Variants in RUNX1 observed in about 807,000 individuals in gnomAD.
The protein encoded by RUNX1 is runt-related transcription factor 1.
RUNX1 carries 19 observed loss-of-function variants against 42.8 expected under a neutral mutation model. That is an observed-to-expected ratio of 0.44 (90% CI 0.31 to 0.65). RUNX1 has a LOEUF of 0.65. Among genes scored for constraint, RUNX1 ranks in the 30% least tolerant of loss-of-function variants. The probability of loss-of-function intolerance (pLI) is 0.07; values close to 1 mark genes in which losing one functional copy is unlikely to be tolerated. For synonymous variants in RUNX1, 271 were observed against 289.4 expected (o/e 0.94, Z 0.64); for missense variants, 528 against 672.0 (o/e 0.79, Z 2.37).
chr21:34,900,124 T>G (rs527355073), intron 2 of RUNX1, among the ~76,000 whole-genome samples: 1 of 152,386 alleles, frequency 6.6e-6, no homozygotes, highest in Non-Finnish European at 1.5e-5. Flanking sequence ...AATTTTAATA[T>G]GTTTTATTTA....
At chr21:34,833,998 C>T in intron 7 of RUNX1, 1 of 354,062 alleles carries the variant, frequency 2.8e-6, no homozygotes, top group East Asian at 6.5e-5. Context: ...CTTGAAACAT[C>T]CCATCTTCAC....
intron 2 of RUNX1, among the ~76,000 whole-genome samples, chr21:34,998,327 G>A (rs1038255478): frequency 6.6e-6 from 1 of 151,958 alleles, no homozygotes; most frequent in African/African-American, 2.4e-5. Context: ...CTTCCTCAGA[G>A]GGACCACACA....
chr21:35,017,310 T>C (rs1601677310), intron 2 of RUNX1, among the ~76,000 whole-genome samples: 1 of 152,196 alleles, frequency 6.6e-6, no homozygotes, highest in Non-Finnish European at 1.5e-5. Context: ...TCACAACCTA[T>C]GTGGCTTGTC....
intron 2 of RUNX1, among the ~76,000 whole-genome samples, chr21:34,894,930 T>TAC (rs1487852970): frequency 1.2e-5 from 1 of 84,774 alleles, no homozygotes; most frequent in Non-Finnish European, 2.2e-5. Context: ...CACACACACA[T>TAC]ATTCATATCT....
chr21:34,880,231 A>G (rs1300806553), intron 5 of RUNX1, among the ~76,000 whole-genome samples: 1 of 152,238 alleles, frequency 6.6e-6, no homozygotes, highest in Non-Finnish European at 1.5e-5. Flanking sequence ...TCCTCATTGT[A>G]ATTGTATAAT....
intron 6 of RUNX1, 36 bp from the exon 7 acceptor site, chr21:34,834,637 G>T: frequency 7.1e-7 from 1 of 1,405,654 alleles, no homozygotes. Context: ...GGGATGGGGG[G>T]AGGGAAGGAG....
chr21:34,887,702 A>G (rs571573147), intron 3 of RUNX1: 2 of 1,057,968 alleles, frequency 1.9e-6, no homozygotes, highest in South Asian at 8.9e-5. Flanking sequence ...ACGTATATAT[A>G]AATATATACA....
chr21:34,970,745 T>C (rs1227335228), intron 2 of RUNX1, among the ~76,000 whole-genome samples: 1 of 152,228 alleles, frequency 6.6e-6, no homozygotes, highest in East Asian at 1.9e-4. Flanking sequence ...GTATGGACTA[T>C]GATGGACCCA....
At chr21:34,976,619 G>A (rs764967379) in intron 2 of RUNX1, among the ~76,000 whole-genome samples, 10 of 152,186 alleles carry the variant, frequency 6.6e-5, no homozygotes, top group Non-Finnish European at 1.2e-4. Context: ...CTGCGTCACA[G>A]AAGGGAGGAC....
At chr21:34,964,179 T>C (rs1601614267) in intron 2 of RUNX1, among the ~76,000 whole-genome samples, 1 of 152,158 alleles carries the variant, frequency 6.6e-6, no homozygotes, top group African/African-American at 2.4e-5. Context: ...AGCAGCACCA[T>C]GGAAGCTGAA....
chr21:34,824,462 G>C (rs574722765), intron 7 of RUNX1, among the ~76,000 whole-genome samples: 33 of 152,326 alleles, frequency 2.2e-4, no homozygotes, highest in African/African-American at 7.5e-4. Context: ...AGAGATTACA[G>C]AAGAAAAGCC....
intron 2 of RUNX1, among the ~76,000 whole-genome samples, chr21:35,021,666 G>C (rs1351706088): frequency 1.3e-5 from 2 of 152,228 alleles, no homozygotes; most frequent in Non-Finnish European, 2.9e-5. Flanking sequence ...GTTTCTTCCA[G>C]AGCATGAGAA....
chr21:34,880,749 G>A (rs1428890153), intron 4 of RUNX1, 36 bp from the exon 5 acceptor site: 5 of 1,609,248 alleles, frequency 3.1e-6, no homozygotes, highest in Non-Finnish European at 4.3e-6. Context: ...CAGACATCAG[G>A]GATGTTATAC....
At chr21:34,959,815 G>C (rs1304863055) in intron 2 of RUNX1, among the ~76,000 whole-genome samples, 3 of 152,168 alleles carry the variant, frequency 2.0e-5, no homozygotes, top group Admixed American at 6.5e-5. Context: ...GTCTTCTGGG[G>C]AGAGGCTGAT....
At chr21:35,045,428 T>G (rs2059389115) in intron 2 of RUNX1, among the ~76,000 whole-genome samples, 2 of 152,166 alleles carry the variant, frequency 1.3e-5, no homozygotes, top group African/African-American at 2.4e-5. Flanking sequence ...AAGGTGCTCA[T>G]AATTTGACAC....
chr21:34,812,642 C>A (rs2268278), intron 7 of RUNX1, among the ~76,000 whole-genome samples: 57,488 of 151,986 alleles, frequency 0.38, 11,001 homozygotes, highest in African/African-American at 0.42. Context: ...TGATGATCTA[C>A]AGATCCACAG....
chr21:34,862,028 T>TAAA (rs112283955), intron 5 of RUNX1, among the ~76,000 whole-genome samples: 1 of 139,710 alleles, frequency 7.2e-6, no homozygotes, highest in Non-Finnish European at 1.6e-5. Flanking sequence ...TATTTAAAAT[T>TAAA]AAAAAAAAAA....
intron 6 of RUNX1, among the ~76,000 whole-genome samples, chr21:34,847,474 CAAT>C (rs74553671): frequency 0.31 from 47,362 of 151,568 alleles, 7,718 homozygotes; most frequent in East Asian, 0.49. Flanking sequence ...ACATGCAAAA[CAAT>C]AATAGATTTT....
intron 6 of RUNX1, among the ~76,000 whole-genome samples, chr21:34,854,646 G>T (rs1054695650): frequency 2.6e-5 from 4 of 151,674 alleles, no homozygotes; most frequent in African/African-American, 7.3e-5. Context: ...CTCCCTAGCT[G>T]CCCTCTAAGC....
Sources: allele counts gnomAD v4.1 joint callset (sites outside exome capture counted in the v4.1 genomes callset), GRCh38; gene constraint gnomAD v4.1.1; transcripts MANE v1.5; gene names NCBI Gene and HGNC (gene_info 2026-07-23, HGNC 2026-07-21).